The following GMDS variants were observed in gnomAD, a reference collection of about 807,000 sequenced individuals.
The protein encoded by GMDS is GDP-mannose 4,6 dehydratase.
GMDS carries 20 observed loss-of-function variants against 49.9 expected under a neutral mutation model. The observed-to-expected ratio is 0.40, with a 90% CI of 0.28 to 0.58. The LOEUF (loss-of-function observed/expected upper bound fraction) is 0.58. GMDS is among the 20% of genes least tolerant of loss of function. The probability of loss-of-function intolerance (pLI) is 0.42; values close to 1 mark genes in which losing one functional copy is unlikely to be tolerated. For synonymous variants in GMDS, 177 were observed against 178.6 expected (o/e 0.99, Z 0.07); for missense variants, 362 against 481.4 (o/e 0.75, Z 2.32).
chr6:1,880,389 T>A (rs942954809), intron 7 of GMDS, among the ~76,000 whole-genome samples: 2 of 151,906 alleles, frequency 1.3e-5, no homozygotes, highest in African/African-American at 4.8e-5. Context: ...GCCCAGGCAT[T>A]TGAGGGTGAG....
chr6:1,629,602 G>C (rs1038419482), intron 9 of GMDS, among the ~76,000 whole-genome samples: 1 of 152,194 alleles, frequency 6.6e-6, no homozygotes, highest in Non-Finnish European at 1.5e-5. Context: ...GGAGGCTGCC[G>C]TGTGGCAATC....
At chr6:2,051,055 T>G (rs1039515363) in intron 4 of GMDS, among the ~76,000 whole-genome samples, 1 of 151,982 alleles carries the variant, frequency 6.6e-6, no homozygotes, top group Non-Finnish European at 1.5e-5. Flanking sequence ...CATGTATACC[T>G]AGGTAACAAA....
intron 4 of GMDS, among the ~76,000 whole-genome samples, chr6:2,055,805 T>C (rs1242671583): frequency 1.3e-5 from 2 of 152,136 alleles, no homozygotes; most frequent in Admixed American, 1.3e-4. Flanking sequence ...GTTTTGTGAT[T>C]TTCTTAGCTG....
At chr6:2,124,442 G>A (rs1775307935) in intron 2 of GMDS, among the ~76,000 whole-genome samples, 1 of 152,210 alleles carries the variant, frequency 6.6e-6, no homozygotes, top group African/African-American at 2.4e-5. Flanking sequence ...ATCGGAGAAT[G>A]TGGGAAGTGT....
At chr6:1,922,473 C>T (rs1761764374) in intron 7 of GMDS, among the ~76,000 whole-genome samples, 1 of 152,198 alleles carries the variant, frequency 6.6e-6, no homozygotes, top group Non-Finnish European at 1.5e-5. Context: ...TGAAGCTCCA[C>T]CTTCAAACCA....
At chr6:1,718,775 T>C (rs1766265204) in intron 9 of GMDS, among the ~76,000 whole-genome samples, 1 of 149,218 alleles carries the variant, frequency 6.7e-6, no homozygotes, top group African/African-American at 2.4e-5. Context: ...TATATACATA[T>C]ATATATATTT....
At position 1,959,941 on chromosome 6, in the gene GMDS, A is replaced by G; in HGVS notation, c.569T>C (p.Val190Ala). 1.2e-6 allele frequency: 2 copies of G among 1,608,752 alleles called. No individual in the cohort carries two copies. The highest frequency in any genetic ancestry group is 1.7e-6 in the Non-Finnish European group (2 of 1,177,852). The change falls in exon 6 of 11, where the codon GTG (valine) becomes GCG (alanine). Residue 190 changes from valine (V) to alanine (A), a missense_variant. Val to Ala is a moderately conservative substitution (Grantham distance 64, BLOSUM62 0). Transcript: ENST00000380815. ...GAAKLYAYWIVVNFREAYNLF... is the reference protein window; with the variant it reads ...GAAKLYAYWIAVNFREAYNLF... ...ATTATACGCCTCACGGAAGTTCACCACAATCCAATAGGCATAGAGTTTTGC... is the reference window on the plus strand; with the variant it reads ...ATTATACGCCTCACGGAAGTTCACCGCAATCCAATAGGCATAGAGTTTTGC...
chr6:2,181,476 C>A (rs886925201), intron 1 of GMDS, among the ~76,000 whole-genome samples: 4 of 152,134 alleles, frequency 2.6e-5, no homozygotes, highest in Non-Finnish European at 5.9e-5. Context: ...CGTTTTATTG[C>A]AATTCCCAGA....
chr6:1,695,136 A>C (rs1765294313), intron 9 of GMDS, among the ~76,000 whole-genome samples: 1 of 152,216 alleles, frequency 6.6e-6, no homozygotes, highest in African/African-American at 2.4e-5. Flanking sequence ...TTGGATTGAC[A>C]AATGCAGCCC....
At chr6:1,931,179 G>C (rs1432147882) in intron 6 of GMDS, among the ~76,000 whole-genome samples, 2 of 152,174 alleles carry the variant, frequency 1.3e-5, no homozygotes, top group African/African-American at 4.8e-5. Flanking sequence ...ATACAGTTTA[G>C]ATATGTGAAT....
chr6:2,014,200 A>G (rs1043034224), intron 4 of GMDS, among the ~76,000 whole-genome samples: 1 of 151,016 alleles, frequency 6.6e-6, no homozygotes, highest in Non-Finnish European at 1.5e-5. Flanking sequence ...GCCTGGCAAG[A>G]AATGCTGAAA....
chr6:2,189,765 G>A (rs1049180952), intron 1 of GMDS, among the ~76,000 whole-genome samples: 4 of 152,184 alleles, frequency 2.6e-5, no homozygotes, highest in Non-Finnish European at 4.4e-5. Context: ...TATTCTACCC[G>A]TTCTGGGGAA....
chr6:1,853,632 T>C (rs1222773938), intron 7 of GMDS, among the ~76,000 whole-genome samples: 1 of 152,106 alleles, frequency 6.6e-6, no homozygotes, highest in Admixed American at 6.5e-5. Flanking sequence ...AAAACATTAT[T>C]TCAAGATGTC....
chr6:2,200,506 G>A (rs989232829), intron 1 of GMDS, among the ~76,000 whole-genome samples: 1 of 149,912 alleles, frequency 6.7e-6, no homozygotes, highest in Admixed American at 6.7e-5. Context: ...CATCCGAGAT[G>A]TAACCAACTA....
chr6:1,740,756 C>G (rs1767237918), intron 8 of GMDS, among the ~76,000 whole-genome samples: 1 of 151,674 alleles, frequency 6.6e-6, no homozygotes, highest in South Asian at 2.1e-4. Context: ...ATCAACATAA[C>G]CAAATTACAC....
At chr6:2,163,836 C>T (rs1407407425) in intron 1 of GMDS, among the ~76,000 whole-genome samples, 1 of 152,190 alleles carries the variant, frequency 6.6e-6, no homozygotes, top group Non-Finnish European at 1.5e-5. Flanking sequence ...TCAGTGACTA[C>T]AGCTCCCACT....
intron 4 of GMDS, among the ~76,000 whole-genome samples, chr6:2,016,933 A>G (rs1767938221): frequency 6.6e-6 from 1 of 152,198 alleles, no homozygotes; most frequent in South Asian, 2.1e-4. Flanking sequence ...TATGGTTTTA[A>G]ACACTTATAG....
chr6:2,169,453 C>T (rs889325369), intron 1 of GMDS, among the ~76,000 whole-genome samples: 5 of 151,786 alleles, frequency 3.3e-5, no homozygotes, highest in African/African-American at 1.2e-4. Flanking sequence ...ACTCAGAACA[C>T]AAAAATTAGC....
At chr6:1,828,880 C>T (rs1771238908) in intron 7 of GMDS, among the ~76,000 whole-genome samples, 1 of 152,182 alleles carries the variant, frequency 6.6e-6, no homozygotes, top group Admixed American at 6.5e-5. Flanking sequence ...AAAAAAATTA[C>T]ATATAATGTT....
Sources: allele counts gnomAD v4.1 joint callset (sites outside exome capture counted in the v4.1 genomes callset), GRCh38; gene constraint gnomAD v4.1.1; transcripts MANE v1.5; gene names NCBI Gene and HGNC (gene_info 2026-07-23, HGNC 2026-07-21).